Variants in DOCK3 observed in about 807,000 individuals in gnomAD.
The protein encoded by DOCK3 is dedicator of cytokinesis 3.
In DOCK3, 60 loss-of-function variants were observed where a neutral mutation model predicts 265.6. The observed-to-expected ratio is 0.23, with a 90% CI of 0.18 to 0.28. DOCK3 has a LOEUF of 0.28. Ranked by LOEUF, DOCK3 falls within the 10% of genes least tolerant of loss-of-function variation. The pLI is 1.00. For missense variants in DOCK3, 1,981 were observed against 2,594.3 expected, an observed-to-expected ratio of 0.76 and a Z score of 5.14; for synonymous variants, 881 against 938.0, an observed-to-expected ratio of 0.94 and a Z score of 1.11.
chr3:51,335,173 A>G (rs1018783742), intron 35 of DOCK3, among the ~76,000 whole-genome samples: 2 of 152,092 alleles, frequency 1.3e-5, no homozygotes, highest in Non-Finnish European at 2.9e-5. Context: ...GGAGACAACT[A>G]AAGTATACAT....
At chr3:50,811,964 TG>T (rs1433086466) in intron 2 of DOCK3, among the ~76,000 whole-genome samples, 2 of 152,000 alleles carry the variant, frequency 1.3e-5, no homozygotes, top group East Asian at 3.9e-4. Flanking sequence ...TGAGAGAGGG[TG>T]GACAAGCAAG....
intron 4 of DOCK3, among the ~76,000 whole-genome samples, chr3:50,914,473 ATGT>A (rs1235666931): frequency 1.3e-5 from 2 of 152,096 alleles, no homozygotes; most frequent in Non-Finnish European, 2.9e-5. Flanking sequence ...ATTCTGAAAC[ATGT>A]TGTTTAATTT....
intron 27 of DOCK3, among the ~76,000 whole-genome samples, chr3:51,304,824 A>T (rs2082564701): frequency 6.6e-6 from 1 of 151,664 alleles, no homozygotes; most frequent in Non-Finnish European, 1.5e-5. Flanking sequence ...GAACCTAGAT[A>T]CCTTGGTTGC....
At chr3:50,679,871 G>A (rs1034698466) in intron 1 of DOCK3, among the ~76,000 whole-genome samples, 3 of 152,176 alleles carry the variant, frequency 2.0e-5, no homozygotes, top group African/African-American at 7.2e-5. Flanking sequence ...CTTGTTTAGT[G>A]TTTATGGGGA....
intron 3 of DOCK3, among the ~76,000 whole-genome samples, chr3:50,844,993 C>A (rs978471026): frequency 5.9e-5 from 9 of 151,628 alleles, no homozygotes; most frequent in Non-Finnish European, 1.0e-4. Flanking sequence ...GAGGCCCAGG[C>A]AGGTGGCTCA....
At position 51,009,672 on chromosome 3, in the gene DOCK3, T is replaced by C. The variant is rs191887457; in HGVS notation, c.316-54776T>C. 1.5e-3 allele frequency among the ~76,000 whole-genome samples: 233 copies of C among 152,324 alleles called. 2 individuals are homozygous for C. The highest frequency in any genetic ancestry group is 5.3e-3 in the African/African-American group (219 of 41,576). On this transcript the variant is annotated intron_variant, in intron 5 of 52. Coordinates refer to ENST00000266037, the MANE Select transcript of DOCK3 (RefSeq NM_004947.5). ...TGCCTTCTGCTAGCTTTTGAATGTG[T>C]TTGCTCTTTTTTCTCTAGTTCTTTT...
chr3:51,004,308 T>TA (rs945408976), intron 5 of DOCK3, among the ~76,000 whole-genome samples: 16 of 152,310 alleles, frequency 1.1e-4, no homozygotes, highest in Middle Eastern at 6.8e-3. Flanking sequence ...GAGCAGACTT[T>TA]ACTTCAGCCA....
At chr3:51,220,687 A>ATGTGTGTG (rs760900578) in intron 14 of DOCK3, among the ~76,000 whole-genome samples, 23,171 of 66,514 alleles carry the variant, frequency 0.35, 5,067 homozygotes, top group Middle Eastern at 0.51. Flanking sequence ...ATATATATAT[A>ATGTGTGTG]TGTGTGTGTG....
At chr3:50,857,394 A>G (rs948932071) in intron 3 of DOCK3, among the ~76,000 whole-genome samples, 3 of 152,096 alleles carry the variant, frequency 2.0e-5, no homozygotes, top group Admixed American at 1.3e-4. Context: ...TCCTGATTCA[A>G]TCTTGGGAGA....
chr3:51,347,776 G>T (rs1284285657), intron 38 of DOCK3, among the ~76,000 whole-genome samples: 1 of 152,164 alleles, frequency 6.6e-6, no homozygotes, highest in African/African-American at 2.4e-5. Flanking sequence ...CATGAGCATG[G>T]AATGTTCTTC....
intron 4 of DOCK3, among the ~76,000 whole-genome samples, chr3:50,893,610 A>G (rs1277954176): frequency 6.6e-6 from 1 of 152,056 alleles, no homozygotes; most frequent in East Asian, 1.9e-4. Flanking sequence ...ATCCTAAGAA[A>G]CTAATGGGAC....
At chr3:50,779,670 C>T (rs2108520475) in intron 2 of DOCK3, among the ~76,000 whole-genome samples, 2 of 152,328 alleles carry the variant, frequency 1.3e-5, no homozygotes, top group East Asian at 3.9e-4. Flanking sequence ...AGGCGTGAGC[C>T]ACTGCGCCTG....
chr3:51,294,976 T>C (rs1396545873), intron 27 of DOCK3, among the ~76,000 whole-genome samples: 1 of 152,226 alleles, frequency 6.6e-6, no homozygotes, highest in Non-Finnish European at 1.5e-5. Flanking sequence ...AATGTATACA[T>C]GTATTGACAC....
chr3:51,277,278 C>G (rs1274468404), intron 25 of DOCK3, among the ~76,000 whole-genome samples: 1 of 152,210 alleles, frequency 6.6e-6, no homozygotes, highest in Non-Finnish European at 1.5e-5. Flanking sequence ...CCTGACTATT[C>G]TAGGGAAATC....
intron 12 of DOCK3, among the ~76,000 whole-genome samples, chr3:51,184,393 T>C (rs531147751): frequency 4.7e-5 from 7 of 150,482 alleles, no homozygotes; most frequent in Admixed American, 3.3e-4. Context: ...GTAGGTAATA[T>C]ACAAAATGAT....
intron 2 of DOCK3, among the ~76,000 whole-genome samples, chr3:50,809,881 T>C (rs1178071940): frequency 6.6e-6 from 1 of 152,204 alleles, no homozygotes; most frequent in African/African-American, 2.4e-5. Context: ...GGTTATTGGC[T>C]GGGATCTCAG....
intron 9 of DOCK3, among the ~76,000 whole-genome samples, chr3:51,138,719 A>G (rs771983000): frequency 6.6e-6 from 1 of 152,228 alleles, no homozygotes; most frequent in Non-Finnish European, 1.5e-5. Flanking sequence ...CACAGAGCGT[A>G]TAATGTGAGG....
chr3:51,274,902 T>G (rs2080725956), intron 24 of DOCK3, among the ~76,000 whole-genome samples, 177 bp from the exon 25 acceptor site: 1 of 152,186 alleles, frequency 6.6e-6, no homozygotes, highest in African/African-American at 2.4e-5. Flanking sequence ...TGTGATGGCT[T>G]ATAATCTCCA....
intron 1 of DOCK3, among the ~76,000 whole-genome samples, chr3:50,678,041 A>G (rs914785521): frequency 3.9e-5 from 6 of 152,058 alleles, no homozygotes; most frequent in Non-Finnish European, 8.8e-5. Context: ...TATTACACAG[A>G]TAAAGAAACT....
Sources: gnomAD v4.1 joint callset for allele counts (sites outside exome capture counted in the v4.1 genomes callset) on GRCh38, gnomAD v4.1.1 for gene constraint, MANE v1.5 for transcripts, NCBI Gene and HGNC (gene_info 2026-07-23, HGNC 2026-07-21) for gene names.